PRR16: variants seen among roughly 807,000 people sequenced by gnomAD.
The protein encoded by PRR16 is protein Largen.
PRR16 carries 6 observed loss-of-function variants against 18.2 expected under a neutral mutation model. The observed-to-expected ratio is 0.33, with a 90% CI of 0.18 to 0.65. PRR16 has a LOEUF of 0.65. Among genes scored for constraint, PRR16 ranks in the 30% least tolerant of loss-of-function variants. PRR16 has a pLI of 0.74. For synonymous variants in PRR16, 151 were observed against 147.8 expected (o/e 1.02, Z -0.16); for missense variants, 412 against 376.6 (o/e 1.09, Z -0.78).
intron 1 of PRR16, among the ~76,000 whole-genome samples, chr5:120,528,089 T>G (rs76054704): frequency 2.6e-3 from 400 of 152,334 alleles, no homozygotes; most frequent in Non-Finnish European, 4.8e-3. Flanking sequence ...GATGCTTATA[T>G]TCTCCTGCCA....
the PRR16 span, among the ~76,000 whole-genome samples, chr5:120,750,406 C>A: frequency 6.6e-6 from 1 of 152,080 alleles, no homozygotes; most frequent in East Asian, 1.9e-4. Flanking sequence ...CACCTGTAAT[C>A]CCAGCACTTT....
At chr5:120,615,169 G>A (rs926797881) in intron 1 of PRR16, among the ~76,000 whole-genome samples, 5 of 151,972 alleles carry the variant, frequency 3.3e-5, no homozygotes, top group African/African-American at 1.2e-4. Flanking sequence ...ACATTTTTTA[G>A]CCCTCTTTTC....
At chr5:120,680,821 G>T (rs1216692189) in intron 1 of PRR16, among the ~76,000 whole-genome samples, 1 of 152,128 alleles carries the variant, frequency 6.6e-6, no homozygotes, top group Non-Finnish European at 1.5e-5. Flanking sequence ...TTAGTGTTTG[G>T]AAATTTGTGT....
intron 1 of PRR16, among the ~76,000 whole-genome samples, chr5:120,585,865 G>C (rs950836678): frequency 6.6e-6 from 1 of 151,830 alleles, no homozygotes; most frequent in East Asian, 1.9e-4. Context: ...TTACTACATA[G>C]AGAAATAAAA....
chr5:120,610,802 C>G (rs913430910), intron 1 of PRR16, among the ~76,000 whole-genome samples: 1 of 151,926 alleles, frequency 6.6e-6, no homozygotes, highest in Non-Finnish European at 1.5e-5. Context: ...AAATTGGTAC[C>G]AATAGAGTGG....
At chr5:120,660,906 T>G (rs555419787) in intron 1 of PRR16, among the ~76,000 whole-genome samples, 1 of 152,134 alleles carries the variant, frequency 6.6e-6, no homozygotes, top group Non-Finnish European at 1.5e-5. Context: ...AAGTATATCG[T>G]CAAGTCATTT....
At chr5:120,677,853 A>G (rs557596297) in intron 1 of PRR16, among the ~76,000 whole-genome samples, 4 of 151,692 alleles carry the variant, frequency 2.6e-5, no homozygotes, top group African/African-American at 9.7e-5. Flanking sequence ...GTATATACTT[A>G]AACTCTCTTA....
intron 1 of PRR16, among the ~76,000 whole-genome samples, chr5:120,656,630 A>T (rs986867318): frequency 6.6e-6 from 1 of 152,006 alleles, no homozygotes. Flanking sequence ...ATTTATGTAC[A>T]CCTTGCCAAA....
At chr5:120,725,055 A>G in the PRR16 span, among the ~76,000 whole-genome samples, 1 of 152,086 alleles carries the variant, frequency 6.6e-6, no homozygotes, top group East Asian at 1.9e-4. Flanking sequence ...AAGATAACTG[A>G]ATAAAATAAG....
intron 1 of PRR16, among the ~76,000 whole-genome samples, chr5:120,637,501 A>T (rs1024769993): frequency 1.3e-5 from 2 of 152,092 alleles, no homozygotes; most frequent in Non-Finnish European, 2.9e-5. Flanking sequence ...TGGCACTCAC[A>T]GTAACCTGAA....
At chr5:120,579,094 G>T (rs1753176486) in intron 1 of PRR16, among the ~76,000 whole-genome samples, 1 of 151,570 alleles carries the variant, frequency 6.6e-6, no homozygotes, top group Non-Finnish European at 1.5e-5. Context: ...TTTTTGATGG[G>T]GTGTTTATTT....
chr5:120,721,060 A>G, the PRR16 span, among the ~76,000 whole-genome samples: 40 of 152,228 alleles, frequency 2.6e-4, no homozygotes, highest in African/African-American at 9.6e-4. Context: ...TTTAAACATC[A>G]TAATTTCTTG....
chr5:120,526,840 C>T (rs1005775416), intron 1 of PRR16, among the ~76,000 whole-genome samples: 12 of 152,094 alleles, frequency 7.9e-5, no homozygotes, highest in East Asian at 1.9e-4. Flanking sequence ...CTGCCTGGCT[C>T]GGCCTCCCAA....
chr5:120,701,021 C>T, the PRR16 span, among the ~76,000 whole-genome samples: 12,627 of 152,208 alleles, frequency 0.083, 564 homozygotes, highest in South Asian at 0.12. Flanking sequence ...GCGGGCATTC[C>T]TTGGCCCAGT....
At chr5:120,772,172 C>T in the PRR16 span, among the ~76,000 whole-genome samples, 1 of 152,062 alleles carries the variant, frequency 6.6e-6, no homozygotes, top group African/African-American at 2.4e-5. Context: ...CAAATTTAAG[C>T]AATATGCAAA....
At chr5:120,763,984 A>G in the PRR16 span, among the ~76,000 whole-genome samples, 2 of 152,108 alleles carry the variant, frequency 1.3e-5, no homozygotes, top group African/African-American at 4.8e-5. Context: ...GTCTAAATGT[A>G]AGAGGATCCT....
At chr5:120,732,426 T>C in the PRR16 span, among the ~76,000 whole-genome samples, 1 of 152,160 alleles carries the variant, frequency 6.6e-6, no homozygotes, top group African/African-American at 2.4e-5. Context: ...TACCCTGATA[T>C]ATTGATTATA....
the PRR16 span, among the ~76,000 whole-genome samples, chr5:120,773,916 C>T: frequency 1.3e-5 from 2 of 152,044 alleles, no homozygotes; most frequent in East Asian, 3.9e-4. Context: ...TATTAATAAG[C>T]ATCTCTATGT....
the PRR16 span, among the ~76,000 whole-genome samples, chr5:120,779,561 C>A: frequency 1.5e-4 from 23 of 152,270 alleles, no homozygotes; most frequent in East Asian, 4.4e-3. Context: ...ATTTCGTGTG[C>A]TTTTCTGTGT....
Sources: gnomAD v4.1 joint callset for allele counts (sites outside exome capture counted in the v4.1 genomes callset) on GRCh38, gnomAD v4.1.1 for gene constraint, MANE v1.5 for transcripts, NCBI Gene and HGNC (gene_info 2026-07-23, HGNC 2026-07-21) for gene names.